Variants in SYT17 observed in about 807,000 individuals in gnomAD.
SYT17 encodes synaptotagmin-17.
In SYT17, 22 loss-of-function variants were observed where a neutral mutation model predicts 46.7. The ratio of observed to expected loss-of-function variants is 0.47; its 90% CI spans 0.34 to 0.67. The LOEUF is 0.67. Ranked by LOEUF, SYT17 falls within the 30% of genes least tolerant of loss-of-function variation. The pLI is 0.01. For synonymous variants in SYT17, 251 were observed against 248.4 expected (o/e 1.01, Z -0.10); for missense variants, 519 against 612.8 (o/e 0.85, Z 1.62).
chr16:19,187,095 T>G (rs1202967098), intron 5 of SYT17, among the ~76,000 whole-genome samples: 1 of 152,176 alleles, frequency 6.6e-6, no homozygotes, highest in African/African-American at 2.4e-5. Context: ...AATGCAGTGG[T>G]GCAATCACAG....
intron 7 of SYT17, among the ~76,000 whole-genome samples, chr16:19,249,157 C>T (rs1408007087): frequency 6.6e-6 from 1 of 151,988 alleles, no homozygotes. Context: ...GACTGTAGTC[C>T]CAGCTACTCA....
chr16:19,261,758 G>A (rs114744092), intron 7 of SYT17, among the ~76,000 whole-genome samples: 2,044 of 152,190 alleles, frequency 0.013, 36 homozygotes, highest in African/African-American at 0.046. Context: ...ATACTGTTTT[G>A]TAATGTGCTT....
chr16:19,181,337 G>C (rs545076317), intron 4 of SYT17, among the ~76,000 whole-genome samples: 1 of 152,186 alleles, frequency 6.6e-6, no homozygotes, highest in South Asian at 2.1e-4. Context: ...CTCCACAAAA[G>C]TATCTCTGCT....
At chr16:19,189,011 C>G (rs1465890956) in intron 5 of SYT17, among the ~76,000 whole-genome samples, 1 of 152,076 alleles carries the variant, frequency 6.6e-6, no homozygotes, top group South Asian at 2.1e-4. Context: ...CTCAGCCTCC[C>G]GAGTTGCTGG....
chr16:19,190,477 A>G (rs1964967405), intron 5 of SYT17, among the ~76,000 whole-genome samples: 1 of 152,186 alleles, frequency 6.6e-6, no homozygotes, highest in East Asian at 1.9e-4. Flanking sequence ...CATTAAGTAC[A>G]TTCACATTGT....
intron 7 of SYT17, among the ~76,000 whole-genome samples, chr16:19,232,575 A>G (rs183534908): frequency 4.6e-5 from 7 of 152,246 alleles, no homozygotes; most frequent in Admixed American, 4.6e-4. Flanking sequence ...TCACACCTCT[A>G]ATCCCAGCAC....
intron 7 of SYT17, among the ~76,000 whole-genome samples, chr16:19,240,372 G>C (rs946073265): frequency 6.6e-6 from 1 of 152,114 alleles, no homozygotes; most frequent in Non-Finnish European, 1.5e-5. Context: ...TGTAGCCAGC[G>C]TGTCCCAACG....
chr16:19,175,544 G>C (rs891773242), intron 3 of SYT17, among the ~76,000 whole-genome samples: 1 of 151,630 alleles, frequency 6.6e-6, no homozygotes, highest in African/African-American at 2.4e-5. Context: ...CCAGTTCTTC[G>C]GGAGGCTGAG....
At chr16:19,219,856 TTTTTG>T (rs533510663) in intron 5 of SYT17, among the ~76,000 whole-genome samples, 10 of 152,252 alleles carry the variant, frequency 6.6e-5, no homozygotes, top group Admixed American at 2.6e-4. Flanking sequence ...TTCTGTTTTG[TTTTTG>T]TTTTGTTTTG....
rs530551345 is a variant in SYT17 at position 19,177,700 on chromosome 16, T to G, written c.183-2691T>G. On this transcript the variant is annotated intron_variant, in intron 3 of 7. Coordinates refer to ENST00000355377, the MANE Select transcript of SYT17 (RefSeq NM_016524.4). Reference sequence around the variant, plus strand: ...TTGGGGATACATTAATTGTCACATATGCTCATGTCCTGTGGGCCCCCAACT... The same window carrying G: ...TTGGGGATACATTAATTGTCACATAGGCTCATGTCCTGTGGGCCCCCAACT... Among the ~76,000 whole-genome samples, 6 of 152,306 alleles carry G rather than the reference T, an allele frequency of 3.9e-5. No individual in the cohort carries two copies. In the South Asian group the frequency reaches 1.2e-3, roughly 32 times the overall value.
At chr16:19,261,361 A>G (rs968916716) in intron 7 of SYT17, among the ~76,000 whole-genome samples, 6 of 152,250 alleles carry the variant, frequency 3.9e-5, no homozygotes, top group South Asian at 2.1e-4. Context: ...ATTAACTCAG[A>G]TGGCCATGGC....
At chr16:19,206,169 C>T (rs13338077) in intron 5 of SYT17, among the ~76,000 whole-genome samples, 3,254 of 152,162 alleles carry the variant, frequency 0.021, 107 homozygotes, top group African/African-American at 0.075. Context: ...GAGTTGAATT[C>T]TGGGGAAAAC....
intron 7 of SYT17, among the ~76,000 whole-genome samples, chr16:19,251,731 C>A (rs1157397248): frequency 6.6e-6 from 1 of 152,126 alleles, no homozygotes; most frequent in Non-Finnish European, 1.5e-5. Context: ...GCTCCTAGAG[C>A]CTCTTTTGGA....
In SYT17 at chr16:19,215,956, AC is replaced by A. The variant is rs1449607378; in HGVS notation, c.952-7087del. On this transcript the variant is annotated intron_variant, in intron 5 of 7. Coordinates refer to ENST00000355377, the MANE Select transcript of SYT17 (RefSeq NM_016524.4). ...GTGCAGGGAAACTCCTCTTTTTAAG[AC>A]CATCAGATCTCGTGAGACTTATTCA... Among the ~76,000 whole-genome samples the A allele has an allele frequency of 7.2e-5, 11 of 152,254 alleles. No homozygotes were observed. The South Asian group carries it at 2.3e-3, about 32-fold the overall frequency.
At chr16:19,248,186 C>T (rs1567231858) in intron 7 of SYT17, among the ~76,000 whole-genome samples, 2 of 152,136 alleles carry the variant, frequency 1.3e-5, no homozygotes, top group African/African-American at 4.8e-5. Context: ...ACTACACACC[C>T]ACTAGTACAG....
chr16:19,249,297 A>AATAAATAAATAT (rs1967849187), intron 7 of SYT17, among the ~76,000 whole-genome samples: 1 of 151,694 alleles, frequency 6.6e-6, no homozygotes, highest in Non-Finnish European at 1.5e-5. Context: ...TAAATAAATA[A>AATAAATAAATAT]ATAAATAAAT....
At chr16:19,172,865 A>T in intron 2 of SYT17, 88 bp downstream of exon 2, 1 of 1,470,098 alleles carries the variant, frequency 6.8e-7, no homozygotes. Flanking sequence ...GGCTGTGGGG[A>T]TATTGAATAT....
chr16:19,221,019 T>C (rs1273554047), intron 5 of SYT17, among the ~76,000 whole-genome samples: 2 of 150,372 alleles, frequency 1.3e-5, no homozygotes, highest in African/African-American at 2.4e-5. Flanking sequence ...CAGGAAGACC[T>C]CAACTCTTAA....
At chr16:19,246,842 T>G (rs752705433) in intron 7 of SYT17, among the ~76,000 whole-genome samples, 1 of 152,180 alleles carries the variant, frequency 6.6e-6, no homozygotes, top group East Asian at 1.9e-4. Flanking sequence ...GTGAGCAAAT[T>G]AGACAAAAAT....
Sources: allele counts gnomAD v4.1 joint callset (sites outside exome capture counted in the v4.1 genomes callset), GRCh38; gene constraint gnomAD v4.1.1; transcripts MANE v1.5; gene names NCBI Gene and HGNC (gene_info 2026-07-23, HGNC 2026-07-21).